Variants in BACH1 observed in about 807,000 individuals in gnomAD.
BACH1 encodes transcription regulator protein BACH1.
BACH1 carries 35 observed loss-of-function variants against 52.9 expected under a neutral mutation model. The ratio of observed to expected loss-of-function variants is 0.66; its 90% CI spans 0.51 to 0.88. BACH1 has a LOEUF of 0.88. Ranked by LOEUF, BACH1 falls within the 40% of genes least tolerant of loss-of-function variation. BACH1 has a pLI of 0.00. For synonymous variants in BACH1, 321 were observed against 319.6 expected, an observed-to-expected ratio of 1.00 and a Z score of -0.05; for missense variants, 808 against 872.6, an observed-to-expected ratio of 0.93 and a Z score of 0.93.
At chr21:29,336,639 G>A (rs2089047831) in intron 4 of BACH1, among the ~76,000 whole-genome samples, 1 of 151,874 alleles carries the variant, frequency 6.6e-6, no homozygotes, top group Admixed American at 6.6e-5. Flanking sequence ...GATTAAAAAG[G>A]ATTGTTCTTC....
chr21:29,325,377 G>A (rs1279071153), intron 2 of BACH1, among the ~76,000 whole-genome samples: 7 of 152,172 alleles, frequency 4.6e-5, no homozygotes, highest in Admixed American at 2.0e-4. Context: ...TAAGAGGCAG[G>A]TTTAATGTAA....
intron 4 of BACH1, among the ~76,000 whole-genome samples, chr21:29,339,709 C>G (rs1488268514): frequency 6.6e-6 from 1 of 150,558 alleles, no homozygotes; most frequent in African/African-American, 2.5e-5. Context: ...CTCGGCTCAC[C>G]GCAACCTCCG....
At chr21:29,335,535 A>G (rs1239917640) in intron 4 of BACH1, among the ~76,000 whole-genome samples, 1 of 152,192 alleles carries the variant, frequency 6.6e-6, no homozygotes, top group Non-Finnish European at 1.5e-5. Context: ...CTTGAGCTTC[A>G]TGTCAGCACC....
chr21:29,318,648 G>A (rs1474057637), intron 1 of BACH1, among the ~76,000 whole-genome samples: 1 of 152,192 alleles, frequency 6.6e-6, no homozygotes, highest in Non-Finnish European at 1.5e-5. Flanking sequence ...GGAATTTGAG[G>A]TGAGTAGTCA....
chr21:29,353,446 ACC>A (rs975784795), intron 2 of BACH1, among the ~76,000 whole-genome samples: 2 of 151,852 alleles, frequency 1.3e-5, no homozygotes, highest in Non-Finnish European at 2.9e-5. Flanking sequence ...ACGTGTCACA[ACC>A]CCCTTCTTTT....
intron 1 of BACH1, 68 bp downstream of exon 1, chr21:29,299,021 T>G (rs2088571444): frequency 6.7e-6 from 1 of 148,424 alleles, no homozygotes; most frequent in Non-Finnish European, 1.5e-5. Context: ...CGCGGGCCTG[T>G]GAGGGGAGGC....
rs1231540867 is a variant in BACH1, at chr21:29,327,009, A to G, written c.1185A>G (p.Glu395=). 1.2e-6 allele frequency: 2 copies of G among 1,613,984 alleles called. No homozygotes were observed. The highest frequency in any genetic ancestry group is 2.7e-5 in the African/African-American group (2 of 74,880). ...GTAGTGTGGAGCGAGAAGTGGCAGAACACCTAGCAAAAGGCTTCTGGAGTG... is the reference window on the plus strand; with the variant it reads ...GTAGTGTGGAGCGAGAAGTGGCAGAGCACCTAGCAAAAGGCTTCTGGAGTG... ...DRSSVEREVA[E]HLAKGFWSDI... is the part of the protein sequence containing the mutation. Residue 395 remains glutamate (E), a synonymous_variant, in exon 3 of 5, where the codon GAA becomes GAG. Transcript: ENST00000286800.
At chr21:29,321,155 T>C in intron 1 of BACH1, 66 bp from the exon 2 acceptor site, 1 of 821,054 alleles carries the variant, frequency 1.2e-6, no homozygotes, top group Non-Finnish European at 2.0e-6. Flanking sequence ...TATCTTAGCC[T>C]GTATTTGACA....
At chr21:29,310,170 T>C (rs150765483) in intron 1 of BACH1, among the ~76,000 whole-genome samples, 9 of 152,256 alleles carry the variant, frequency 5.9e-5, no homozygotes, top group East Asian at 3.8e-4. Flanking sequence ...GTAGGAAATA[T>C]CTACTCTAAA....
chr21:29,321,808 C>G (rs979687403), intron 2 of BACH1, among the ~76,000 whole-genome samples: 1 of 151,888 alleles, frequency 6.6e-6, no homozygotes, highest in African/African-American at 2.4e-5. Context: ...TTGGAAAAGT[C>G]ATGGTTTTGA....
chr21:29,354,154 C>A (rs1302279026), intron 2 of BACH1, among the ~76,000 whole-genome samples: 1 of 152,124 alleles, frequency 6.6e-6, no homozygotes, highest in Non-Finnish European at 1.5e-5. Context: ...GAGAGAGGGC[C>A]TCTCATGGTT....
At position 29,327,299 on chromosome 21, in the gene BACH1, G is replaced by A. The variant is rs911049235; in HGVS notation, c.1475G>A (p.Cys492Tyr). Reference sequence around the variant, plus strand: ...GTTTCAGAACCCCAGCAAGAACCTTGCCCATATGCTTGTGTCATTAGCTTG... The same window carrying A: ...GTTTCAGAACCCCAGCAAGAACCTTACCCATATGCTTGTGTCATTAGCTTG... ...DYVSEPQQEP[C>Y]PYACVISLGD... Residue 492 changes from cysteine to tyrosine, a missense_variant, in exon 3 of 5, where the codon TGC becomes TAC. Cys to Tyr is a radical substitution (Grantham distance 194). Transcript: ENST00000286800. 1.2e-6 allele frequency: 2 copies of A among 1,614,186 alleles called. No homozygotes were observed.
intron 2 of BACH1, among the ~76,000 whole-genome samples, chr21:29,325,155 G>A (rs528313843): frequency 2.0e-5 from 3 of 152,138 alleles, no homozygotes; most frequent in East Asian, 1.9e-4. Context: ...GCGTGAACCC[G>A]AGAGGCGGAG....
chr21:29,320,223 G>A (rs773997824), intron 1 of BACH1, among the ~76,000 whole-genome samples: 5 of 152,292 alleles, frequency 3.3e-5, no homozygotes, highest in Non-Finnish European at 5.9e-5. Flanking sequence ...GGATGATACC[G>A]TGAGGCATCA....
At chr21:29,348,465 GA>G (rs967327583), downstream of BACH1, among the ~76,000 whole-genome samples, 3,514 of 145,512 alleles carry the variant, frequency 0.024, 116 homozygotes, top group African/African-American at 0.081. Flanking sequence ...ATAGTATCTG[GA>G]AAAAAAAAAA....
chr21:29,342,755 T>G lies in BACH1; in HGVS notation c.2133T>G (p.Pro711=). The G allele has an allele frequency of 6.2e-7, 1 of 1,614,094 alleles. No individual in the cohort carries two copies. Among genetic ancestry groups the G allele is most frequent in the Non-Finnish European group, 8.5e-7 (1 of 1,179,968 alleles). Reference sequence around the variant, plus strand: ...CAGCCACCTCTGAGCAAGCTGGGCCTGCGGAACAGTGTCGTCAGAGTGGTG... The same window carrying G: ...CAGCCACCTCTGAGCAAGCTGGGCCGGCGGAACAGTGTCGTCAGAGTGGTG... ...MSTATSEQAG[P]AEQCRQSGGI... is the part of the protein sequence containing the mutation. Residue 711 remains proline (P), a synonymous_variant, in exon 5 of 5, where the codon CCT becomes CCG. Coordinates refer to ENST00000286800, the MANE Select transcript of BACH1 (RefSeq NM_001186.4).
chr21:29,306,659 G>A (rs1274578826), intron 1 of BACH1, among the ~76,000 whole-genome samples: 3 of 152,180 alleles, frequency 2.0e-5, no homozygotes, highest in Non-Finnish European at 4.4e-5. Context: ...GGTGAATGGT[G>A]TTGTGCAGTT....
At chr21:29,315,378 C>G (rs2088774050) in intron 1 of BACH1, among the ~76,000 whole-genome samples, 1 of 152,208 alleles carries the variant, frequency 6.6e-6, no homozygotes, top group South Asian at 2.1e-4. Flanking sequence ...TCCCTGTCTT[C>G]TGAGCCATTG....
In BACH1 at chr21:29,325,321, A is replaced by T. The variant is rs183142144; in HGVS notation, c.235-738A>T. On this transcript the variant is annotated intron_variant, in intron 2 of 4. Coordinates refer to ENST00000286800, the MANE Select transcript of BACH1 (RefSeq NM_001186.4). ...ATTAATTTTGTGCTTTTAATCCAGGATGATGCCTTCTGTGTACTGGAGTTG... is the reference window on the plus strand; with the variant it reads ...ATTAATTTTGTGCTTTTAATCCAGGTTGATGCCTTCTGTGTACTGGAGTTG... Among the ~76,000 whole-genome samples the T allele has an allele frequency of 2.5e-3, 377 of 152,242 alleles. 2 individuals are homozygous for T. Among genetic ancestry groups the T allele is most frequent in the African/African-American group, 8.5e-3 (354 of 41,550 alleles).
Sources: allele counts gnomAD v4.1 joint callset (sites outside exome capture counted in the v4.1 genomes callset), GRCh38; gene constraint gnomAD v4.1.1; transcripts MANE v1.5; gene names NCBI Gene and HGNC (gene_info 2026-07-23, HGNC 2026-07-21).